The following PLPP3 variants were observed in gnomAD, a reference collection of about 807,000 sequenced individuals.
The protein encoded by PLPP3 is PAP2 beta.
PLPP3 carries 6 observed loss-of-function variants against 29.6 expected under a neutral mutation model. The observed-to-expected ratio is 0.20, with a 90% CI of 0.11 to 0.40. The LOEUF is 0.40. Ranked by LOEUF, PLPP3 falls within the 10% of genes least tolerant of loss-of-function variation. PLPP3 has a pLI of 1.00. For missense variants in PLPP3, 308 were observed against 407.7 expected (o/e 0.76, Z 2.11); for synonymous variants, 152 against 159.7 (o/e 0.95, Z 0.36).
chr1:56,499,369 T>G (rs1015409474), intron 5 of PLPP3, among the ~76,000 whole-genome samples: 3 of 152,198 alleles, frequency 2.0e-5, no homozygotes, highest in African/African-American at 7.2e-5. Context: ...AAACTATGCT[T>G]ATCGACCTTT....
intron 1 of PLPP3, among the ~76,000 whole-genome samples, chr1:56,540,958 A>G (rs1645965061): frequency 2.0e-5 from 3 of 152,152 alleles, no homozygotes; most frequent in African/African-American, 4.8e-5. Context: ...TTATCACTTC[A>G]TTTGGAGAAA....
At chr1:56,544,796 G>A (rs1003391325) in intron 1 of PLPP3, among the ~76,000 whole-genome samples, 4 of 152,140 alleles carry the variant, frequency 2.6e-5, no homozygotes, top group Non-Finnish European at 5.9e-5. Flanking sequence ...TCTTGAAAGT[G>A]GACAAGGGCA....
At chr1:56,573,314 G>A (rs556151740) in intron 1 of PLPP3, among the ~76,000 whole-genome samples, 1 of 152,244 alleles carries the variant, frequency 6.6e-6, no homozygotes, top group African/African-American at 2.4e-5. Context: ...GCATCCAGGG[G>A]TAATTTTCCA....
intron 4 of PLPP3, among the ~76,000 whole-genome samples, chr1:56,516,135 G>A (rs949315025): frequency 3.3e-5 from 5 of 152,116 alleles, no homozygotes; most frequent in African/African-American, 9.7e-5. Flanking sequence ...CATCTGATAT[G>A]AGAAAAAAGC....
intron 1 of PLPP3, among the ~76,000 whole-genome samples, chr1:56,548,611 C>T (rs534103261): frequency 2.0e-5 from 3 of 152,158 alleles, no homozygotes; most frequent in African/African-American, 7.2e-5. Flanking sequence ...AGACTCCTCA[C>T]TGGGAGAATT....
intron 2 of PLPP3, among the ~76,000 whole-genome samples, chr1:56,533,286 C>T (rs954788924): frequency 4.6e-5 from 7 of 152,106 alleles, no homozygotes; most frequent in Admixed American, 4.6e-4. Flanking sequence ...GACTCCTGAC[C>T]TCAAGTGATC....
intron 1 of PLPP3, among the ~76,000 whole-genome samples, chr1:56,570,374 T>C (rs2065554): frequency 0.29 from 44,372 of 152,162 alleles, 7,124 homozygotes; most frequent in Middle Eastern, 0.4. Flanking sequence ...CAAAACTCTT[T>C]AGGCATATAA....
chr1:56,578,809 G>T, intron 1 of PLPP3, 69 bp downstream of exon 1: 1 of 1,407,672 alleles, frequency 7.1e-7, no homozygotes, highest in South Asian at 1.5e-5. Context: ...GCGCGGCCCC[G>T]GACTGGGCTG....
rs539438589 is a variant in PLPP3, at chr1:56,567,733, C to T, written c.139+11145G>A. ...TATTTCTAAAATGATGCAGCCTCAA[C>T]GGAAAACAGTTTGGCAGTTCCTCAA... On this transcript the variant is annotated intron_variant, in intron 1 of 5. Transcript: ENST00000371250. Among the ~76,000 whole-genome samples, 31 of 151,980 alleles carry T rather than the reference C, an allele frequency of 2.0e-4. No homozygotes were observed. In the South Asian group the frequency reaches 4.2e-3, roughly 20 times the overall value.
chr1:56,530,673 T>G (rs1645881775), intron 2 of PLPP3, among the ~76,000 whole-genome samples: 3 of 151,600 alleles, frequency 2.0e-5, no homozygotes, highest in Admixed American at 6.6e-5. Flanking sequence ...CATCTTTACC[T>G]TAATTAGAAA....
chr1:56,537,249 T>C, intron 1 of PLPP3, 137 bp from the exon 2 acceptor site: 2 of 1,011,538 alleles, frequency 2.0e-6, no homozygotes, highest in African/African-American at 1.6e-5. Context: ...CTTCCATTTG[T>C]AGAGATCTAC....
chr1:56,524,593 AT>A lies in PLPP3; in HGVS notation c.298-40del, dbSNP rs776490806. The A allele has an allele frequency of 2.5e-6, 4 of 1,584,996 alleles. No homozygotes were observed. Among genetic ancestry groups the A allele is most frequent in the Non-Finnish European group, 2.6e-6 (3 of 1,157,020 alleles). On this transcript the variant is annotated intron_variant, in intron 2 of 5. Transcript: ENST00000371250. This position sits in a 1 kb window ranked among gnomAD's most constrained non-coding sequence, Gnocchi z 4.3. ...AACAGGGGAATTAGGCAGTATCAAG[AT>A]TCATCATCAACACTGATGCCGTAAC... is the stretch of plus-strand genomic sequence containing the variant.
At chr1:56,570,460 C>T (rs1044608556) in intron 1 of PLPP3, among the ~76,000 whole-genome samples, 2 of 152,216 alleles carry the variant, frequency 1.3e-5, no homozygotes, top group South Asian at 4.1e-4. Flanking sequence ...TTTCAAATCA[C>T]ACAGAAATCA....
intron 4 of PLPP3, among the ~76,000 whole-genome samples, chr1:56,514,206 GGAGCTAT>G (rs1645766082): frequency 6.6e-6 from 1 of 152,050 alleles, no homozygotes; most frequent in South Asian, 2.1e-4. Context: ...GTGTTTTATA[GGAGCTAT>G]GAAAGAAGTT....
chr1:56,521,181 G>A (rs1328768513), intron 4 of PLPP3, among the ~76,000 whole-genome samples: 2 of 145,222 alleles, frequency 1.4e-5, no homozygotes, highest in Non-Finnish European at 3.0e-5. Context: ...GTTGCAGTGA[G>A]CCAAGATGGT....
intron 1 of PLPP3, among the ~76,000 whole-genome samples, chr1:56,564,469 G>T (rs796398868): frequency 6.6e-6 from 1 of 152,112 alleles, no homozygotes; most frequent in Non-Finnish European, 1.5e-5. Context: ...AGATGCAAAC[G>T]TTATCATTTG....
chr1:56,525,208 T>A (rs1645845062), intron 2 of PLPP3, among the ~76,000 whole-genome samples: 1 of 152,204 alleles, frequency 6.6e-6, no homozygotes, highest in South Asian at 2.1e-4. Context: ...ATAACATGAA[T>A]GGGAAATGAC....
chr1:56,531,005 A>C (rs1398200388), intron 2 of PLPP3, among the ~76,000 whole-genome samples: 2 of 152,130 alleles, frequency 1.3e-5, no homozygotes, highest in Admixed American at 1.3e-4. Flanking sequence ...TGGCTCTTTG[A>C]CTTATGAGTC....
intron 1 of PLPP3, among the ~76,000 whole-genome samples, chr1:56,557,817 T>C (rs1029530284): frequency 2.0e-5 from 3 of 152,204 alleles, no homozygotes; most frequent in Non-Finnish European, 4.4e-5. Context: ...GGAGAAACCT[T>C]ATACTTCCTC....
Sources: allele counts gnomAD v4.1 joint callset (sites outside exome capture counted in the v4.1 genomes callset), GRCh38; gene constraint gnomAD v4.1.1; non-coding constraint Gnocchi (gnomAD v3.1); transcripts MANE v1.5; gene names NCBI Gene and HGNC (gene_info 2026-07-23, HGNC 2026-07-21).